SLC4A8: variants seen among roughly 807,000 people sequenced by gnomAD.
SLC4A8 encodes solute carrier family 4 member 8, also known as electroneutral sodium bicarbonate exchanger 1.
In SLC4A8, 40 loss-of-function variants were observed where a neutral mutation model predicts 125.0. The ratio of observed to expected loss-of-function variants is 0.32; its 90% CI spans 0.25 to 0.42. The LOEUF (loss-of-function observed/expected upper bound fraction) is 0.42, where lower values mean the gene tolerates loss of function less well. SLC4A8 is among the 10% of genes least tolerant of loss of function. The probability of loss-of-function intolerance (pLI) is 1.00; values close to 1 mark genes in which losing one functional copy is unlikely to be tolerated. For synonymous variants in SLC4A8, 456 were observed against 476.0 expected, an observed-to-expected ratio of 0.96 and a Z score of 0.55; for missense variants, 863 against 1,355.1, an observed-to-expected ratio of 0.64 and a Z score of 5.70.
At chr12:51,481,518 A>G (rs1027939340) in intron 16 of SLC4A8, among the ~76,000 whole-genome samples, 4 of 152,166 alleles carry the variant, frequency 2.6e-5, no homozygotes, top group African/African-American at 7.2e-5. Flanking sequence ...TGTAGGTATC[A>G]TTGTTGCTAA....
rs138541488 is a variant in SLC4A8, at chr12:51,410,008, G to A, written c.-112+18520G>A. On this transcript the variant is annotated intron_variant, in intron 1 of 24. Transcript: ENST00000358657. ...TAATCGCCCCTCCAGGGGCCTGGTT[G>A]GCGTCAGTCTGACTTTGGCCTGATG... Among the ~76,000 whole-genome samples the A allele has an allele frequency of 2.7e-3, 413 of 152,304 alleles. 2 individuals carry two copies. Among genetic ancestry groups the A allele is most frequent in the Middle Eastern group, 3.4e-3 (1 of 294 alleles).
chr12:51,466,000 G>A (rs1194036944), intron 11 of SLC4A8, among the ~76,000 whole-genome samples: 1 of 152,196 alleles, frequency 6.6e-6, no homozygotes, highest in Non-Finnish European at 1.5e-5. Context: ...TGCTTGTCAT[G>A]TTGCACAACC....
chr12:51,405,117 T>A (rs1338214344), intron 1 of SLC4A8, among the ~76,000 whole-genome samples: 1 of 152,156 alleles, frequency 6.6e-6, no homozygotes, highest in Non-Finnish European at 1.5e-5. Context: ...AGTTGGGTGG[T>A]GACTCACAGT....
chr12:51,507,716 G>A lies in SLC4A8; in HGVS notation c.*278G>A, dbSNP rs919883724. The A allele has an allele frequency of 3.1e-6, 1 of 317,514 alleles. No homozygotes were observed. Among genetic ancestry groups the A allele is most frequent in the Non-Finnish European group, 5.7e-6 (1 of 173,996 alleles). 19.7% of individuals were successfully genotyped at this position (317,514 alleles called of 1,614,324 possible). A position where few individuals can be genotyped will look rare whatever the true frequency, so the allele number is the denominator to read the frequency against. On this transcript the variant is annotated 3_prime_UTR_variant, in exon 25 of 25. Transcript: ENST00000453097. The stretch of plus-strand genomic sequence containing the variant: ...CTTCCTTCTTTTTCTCTTTAGAACG[G>A]CCACCATTGAAGACCTAGCTTCCCA...
intron 1 of SLC4A8, among the ~76,000 whole-genome samples, chr12:51,397,289 G>A (rs954131292): frequency 1.3e-5 from 2 of 152,158 alleles, no homozygotes; most frequent in Non-Finnish European, 2.9e-5. Context: ...ACTGTCAAAC[G>A]TGGCAATCTT....
chr12:51,398,455 C>T (rs1442316035), intron 1 of SLC4A8, among the ~76,000 whole-genome samples: 1 of 152,208 alleles, frequency 6.6e-6, no homozygotes, highest in Non-Finnish European at 1.5e-5. Flanking sequence ...TCTGTCCTTT[C>T]ACAGTAGAGA....
chr12:51,424,987 C>T lies in SLC4A8; in HGVS notation c.-1C>T, dbSNP rs1344427866. On this transcript the variant is annotated 5_prime_UTR_variant, in exon 1 of 25. Coordinates refer to ENST00000453097, the MANE Select transcript of SLC4A8 (RefSeq NM_001039960.3). ...TGGGGGAGACCTAGTTCGGCTCCGCCATGCCGGCCGCCGGGAGTAACGAGC... is the reference window on the plus strand; with the variant it reads ...TGGGGGAGACCTAGTTCGGCTCCGCTATGCCGGCCGCCGGGAGTAACGAGC... 4.5e-6 allele frequency: 7 copies of T among 1,554,050 alleles called. No homozygotes were observed. The highest frequency in any genetic ancestry group is 4.4e-6 in the Non-Finnish European group (5 of 1,149,148).
intron 3 of SLC4A8, 60 bp from the exon 4 acceptor site, chr12:51,452,064 T>C: frequency 6.5e-7 from 1 of 1,544,726 alleles, no homozygotes; most frequent in Non-Finnish European, 8.9e-7. Context: ...TAAGGAAGAA[T>C]GCTATTTCTG....
chr12:51,411,415 C>T (rs994291003), intron 1 of SLC4A8, among the ~76,000 whole-genome samples: 16 of 151,998 alleles, frequency 1.1e-4, no homozygotes, highest in South Asian at 2.1e-4. Context: ...TAGCAAAACG[C>T]CATCTCTACT....
At chr12:51,481,829 G>T (rs2138364661) in intron 16 of SLC4A8, among the ~76,000 whole-genome samples, 1 of 152,042 alleles carries the variant, frequency 6.6e-6, no homozygotes, top group East Asian at 1.9e-4. Flanking sequence ...GTGTGTGATA[G>T]TAGTCCCAGC....
At chr12:51,469,866 G>T in intron 12 of SLC4A8, 78 bp downstream of exon 12, 4 of 1,328,748 alleles carry the variant, frequency 3.0e-6, no homozygotes, top group Non-Finnish European at 4.3e-6. Flanking sequence ...CACTGTGGGG[G>T]AAATTACTTG....
Position 51,497,005 on chromosome 12 carries a change from G to C in SLC4A8, c.2962G>C (p.Val988Leu). 6.2e-7 allele frequency: 1 copy of C among 1,613,510 alleles called. No individual in the cohort carries two copies. The highest frequency in any genetic ancestry group is 8.5e-7 in the Non-Finnish European group (1 of 1,179,846). ...FPMMVLALVFVRKVMDLCFSK... is the reference protein window; with the variant it reads ...FPMMVLALVFLRKVMDLCFSK... Reference sequence around the variant, plus strand: ...TCTTCAGGTTTTGGCCTTGGTCTTTGTCAGGAAAGTCATGGATCTCTGTTT... The same window carrying C: ...TCTTCAGGTTTTGGCCTTGGTCTTTCTCAGGAAAGTCATGGATCTCTGTTT... Residue 988 changes from valine (V) to leucine (L), a missense_variant, in exon 22 of 25, where the codon GTC becomes CTC. Physicochemically the swap from Val to Leu is conservative, Grantham distance 32. This residue lies in a region of SLC4A8 where 92 missense variants were observed against 125.6 expected (regional missense o/e 0.73). Transcript: ENST00000453097.
chr12:51,446,738 G>A (rs538778525), intron 2 of SLC4A8, among the ~76,000 whole-genome samples: 1 of 152,328 alleles, frequency 6.6e-6, no homozygotes, highest in South Asian at 2.1e-4. Context: ...TCAGGTCAGA[G>A]TCAGAGGCCC....
chr12:51,398,013 A>G (rs1948297577), intron 1 of SLC4A8, among the ~76,000 whole-genome samples: 1 of 152,090 alleles, frequency 6.6e-6, no homozygotes, highest in Non-Finnish European at 1.5e-5. Context: ...AGCTCAAGTG[A>G]TCCACCCACC....
In SLC4A8 at chr12:51,425,382, G is replaced by A. The variant is rs933711723; in HGVS notation, c.48+347G>A. On this transcript the variant is annotated intron_variant, in intron 1 of 24. Coordinates refer to ENST00000453097, the MANE Select transcript of SLC4A8 (RefSeq NM_001039960.3). ...TGGCCTCGCGTTGTCCTGCCAGAAC[G>A]TGGGCAGAAAGGGTAGCAGGGACCT... 4.4e-6 allele frequency: 5 copies of A among 1,129,978 alleles called. No individual in the cohort carries two copies. The Admixed American group carries it at 1.5e-4, about 33-fold the overall frequency. 70.0% of individuals were successfully genotyped at this position (1,129,978 alleles called of 1,614,324 possible).
At chr12:51,414,206 CT>C (rs938553616) in intron 1 of SLC4A8, among the ~76,000 whole-genome samples, 2 of 149,208 alleles carry the variant, frequency 1.3e-5, no homozygotes, top group South Asian at 4.3e-4. Context: ...GCTTTCTTTG[CT>C]TTTTTTTCCC....
chr12:51,449,800 G>C (rs1056368926), intron 2 of SLC4A8, among the ~76,000 whole-genome samples: 1 of 152,138 alleles, frequency 6.6e-6, no homozygotes, highest in Non-Finnish European at 1.5e-5. Flanking sequence ...CAGTGCTTTC[G>C]AGGTGGAGAC....
chr12:51,462,179 T>A, intron 9 of SLC4A8, 131 bp from the exon 10 acceptor site: 1 of 824,138 alleles, frequency 1.2e-6, no homozygotes, highest in Non-Finnish European at 2.0e-6. Flanking sequence ...AGTGCTAAAG[T>A]TTTCTGCATC....
rs140402717 is a variant in SLC4A8, at chr12:51,448,659, A to G, written c.131-2217A>G. 2.0e-3 allele frequency among the ~76,000 whole-genome samples: 298 copies of G among 152,282 alleles called. 1 individual carries two copies. The highest frequency in any genetic ancestry group is 3.1e-3 in the Admixed American group (48 of 15,282). Reference sequence around the variant, plus strand: ...TGGCACCGGAGCTCAGGGAGCCCAGAGCACCCAAGTGGTTTGGATACTGCC... The same window carrying G: ...TGGCACCGGAGCTCAGGGAGCCCAGGGCACCCAAGTGGTTTGGATACTGCC... On this transcript the variant is annotated intron_variant, in intron 2 of 24. Coordinates refer to ENST00000453097, the MANE Select transcript of SLC4A8 (RefSeq NM_001039960.3).
Sources: allele counts gnomAD v4.1 joint callset (sites outside exome capture counted in the v4.1 genomes callset), GRCh38; gene constraint gnomAD v4.1.1; regional missense constraint gnomAD v4.1.1; transcripts MANE v1.5; gene names NCBI Gene and HGNC (gene_info 2026-07-23, HGNC 2026-07-21).